The following WLS variants were observed in gnomAD, a reference collection of about 807,000 sequenced individuals.
The protein encoded by WLS is Wnt ligand secretion mediator.
In WLS, 23 loss-of-function variants were observed where a neutral mutation model predicts 62.8. The ratio of observed to expected loss-of-function variants is 0.37; its 90% CI spans 0.26 to 0.52. The LOEUF (loss-of-function observed/expected upper bound fraction) is 0.52, where lower values mean the gene tolerates loss of function less well. Among genes scored for constraint, WLS ranks in the 20% least tolerant of loss-of-function variants. The probability of loss-of-function intolerance (pLI) is 0.92; values close to 1 mark genes in which losing one functional copy is unlikely to be tolerated. For missense variants in WLS, 615 were observed against 697.3 expected (o/e 0.88, Z 1.33); for synonymous variants, 246 against 244.1 (o/e 1.01, Z -0.07).
intron 2 of WLS, among the ~76,000 whole-genome samples, chr1:68,192,582 CAA>C (rs113023360): frequency 7.1e-6 from 1 of 141,824 alleles, no homozygotes; most frequent in Admixed American, 7.2e-5. Context: ...GTCACACACA[CAA>C]AAAAAAAAGA....
rs923093473 is a variant in WLS, at chr1:68,216,681, A to T, written c.106+15513T>A. ...TGGGGGAGATGCCAAAATTAATCCA[A>T]AAAGCAGACAGGCACACTTTACAGA... On this transcript the variant is annotated intron_variant, in intron 1 of 11. Coordinates refer to ENST00000262348, the MANE Select transcript of WLS (RefSeq NM_024911.7). Among the ~76,000 whole-genome samples the T allele has an allele frequency of 2.6e-5, 4 of 152,334 alleles. No homozygotes were observed. In the East Asian group the frequency reaches 5.8e-4, roughly 22 times the overall value.
intron 10 of WLS, among the ~76,000 whole-genome samples, chr1:68,140,165 C>T (rs1646666362): frequency 6.6e-6 from 1 of 152,178 alleles, no homozygotes; most frequent in Admixed American, 6.5e-5. Flanking sequence ...TTCCATTCAA[C>T]ACATGGGTAA....
chr1:68,104,472 G>A (rs1372539773), intron 11 of WLS, among the ~76,000 whole-genome samples: 1 of 151,542 alleles, frequency 6.6e-6, no homozygotes, highest in Admixed American at 6.6e-5. Context: ...GTGAAAACTT[G>A]GAGGGTATTT....
At chr1:68,110,830 T>C (rs1646219836) in intron 11 of WLS, among the ~76,000 whole-genome samples, 2 of 152,214 alleles carry the variant, frequency 1.3e-5, no homozygotes, top group African/African-American at 4.8e-5. Flanking sequence ...CTGAGAGCAT[T>C]AGTTATCCAT....
chr1:68,224,997 AG>A (rs1276275315), intron 1 of WLS, among the ~76,000 whole-genome samples: 2 of 152,182 alleles, frequency 1.3e-5, no homozygotes, highest in Non-Finnish European at 2.9e-5. Context: ...ACCTCAAAAA[AG>A]GTTCTTAAAT....
intron 2 of WLS, chr1:68,161,831 C>G: frequency 6.2e-7 from 1 of 1,605,020 alleles, no homozygotes; most frequent in Non-Finnish European, 8.5e-7. Flanking sequence ...GAAGGATGTG[C>G]CACTGTTGGG....
At chr1:68,131,755 G>T (rs1348661447) in intron 11 of WLS, among the ~76,000 whole-genome samples, 1 of 152,190 alleles carries the variant, frequency 6.6e-6, no homozygotes, top group Non-Finnish European at 1.5e-5. Context: ...TGTGTTTAGA[G>T]ATAGGGCCTT....
chr1:68,232,481 C>T lies in WLS; in HGVS notation c.-182G>A. On this transcript the variant is annotated 5_prime_UTR_variant, in exon 1 of 12. Coordinates refer to ENST00000262348, the MANE Select transcript of WLS (RefSeq NM_024911.7). ...AAGGCGCCCGCACGGATTCCCCCGG[C>T]GCAGCCGGCTCGGGTTCCCCCAATG... is the stretch of plus-strand genomic sequence containing the variant. 2.3e-6 allele frequency: 3 copies of T among 1,295,784 alleles called. No individual in the cohort carries two copies. The highest frequency in any genetic ancestry group is 1.5e-5 in the African/African-American group (1 of 65,600). 80.3% of individuals were successfully genotyped at this position (1,295,784 alleles called of 1,614,324 possible).
intron 11 of WLS, among the ~76,000 whole-genome samples, chr1:68,103,935 AT>A (rs1363657479): frequency 6.6e-6 from 1 of 151,934 alleles, no homozygotes; most frequent in Non-Finnish European, 1.5e-5. Context: ...GCAGGGGACA[AT>A]TTTCCTCCTT....
chr1:68,129,362 A>C (rs369744337), intron 11 of WLS, among the ~76,000 whole-genome samples: 2 of 152,196 alleles, frequency 1.3e-5, no homozygotes, highest in African/African-American at 4.8e-5. Flanking sequence ...AATTTGAATA[A>C]ATTGTTTAGC....
intron 1 of WLS, among the ~76,000 whole-genome samples, chr1:68,230,625 G>C (rs571660737): frequency 2.9e-4 from 44 of 151,480 alleles, no homozygotes; most frequent in South Asian, 1.3e-3. Context: ...TGAGGGTGAG[G>C]GTTCCAGAAA....
At chr1:68,171,559 A>C (rs550464383) in intron 2 of WLS, among the ~76,000 whole-genome samples, 2 of 152,384 alleles carry the variant, frequency 1.3e-5, no homozygotes, top group East Asian at 3.9e-4. Flanking sequence ...CAAACGTGAA[A>C]AAAAGCTCAT....
chr1:68,121,113 C>A (rs1458021837), downstream of WLS: 1 of 152,088 alleles, frequency 6.6e-6, no homozygotes, highest in Non-Finnish European at 1.5e-5. Context: ...AAATCCTGTA[C>A]CATTTTCCTA....
intron 1 of WLS, among the ~76,000 whole-genome samples, chr1:68,226,629 A>G (rs1412129991): frequency 6.6e-6 from 1 of 152,140 alleles, no homozygotes; most frequent in Non-Finnish European, 1.5e-5. Flanking sequence ...CTTTTGTTGT[A>G]AACTTAGATG....
intron 1 of WLS, among the ~76,000 whole-genome samples, chr1:68,206,119 C>A (rs1480975284): frequency 1.3e-5 from 2 of 152,114 alleles, no homozygotes; most frequent in African/African-American, 4.8e-5. Context: ...TCAAGGATGT[C>A]CCCAAATTTC....
At chr1:68,205,075 A>AT (rs1649226541) in intron 1 of WLS, among the ~76,000 whole-genome samples, 1 of 152,220 alleles carries the variant, frequency 6.6e-6, no homozygotes, top group African/African-American at 2.4e-5. Flanking sequence ...ACTAAGCATC[A>AT]TTTTTTAAAT....
At chr1:68,194,324 T>C in intron 1 of WLS, 97 bp from the exon 2 acceptor site, 1 of 1,448,704 alleles carries the variant, frequency 6.9e-7, no homozygotes, top group Non-Finnish European at 9.2e-7. Flanking sequence ...CTCCAGCTTT[T>C]GTATCGCCTT....
chr1:68,144,690 C>A, intron 9 of WLS, 38 bp from the exon 10 acceptor site: 1 of 1,505,016 alleles, frequency 6.6e-7, no homozygotes, highest in Non-Finnish European at 9.2e-7. Flanking sequence ...ACTCCATCAG[C>A]TACCAATCCT....
At chr1:68,215,131 T>C (rs940753297) in intron 1 of WLS, among the ~76,000 whole-genome samples, 3 of 152,020 alleles carry the variant, frequency 2.0e-5, no homozygotes, top group Non-Finnish European at 4.4e-5. Context: ...GGGAAAAAAA[T>C]GCTCCACAAA....
Sources: allele counts gnomAD v4.1 joint callset (sites outside exome capture counted in the v4.1 genomes callset), GRCh38; gene constraint gnomAD v4.1.1; transcripts MANE v1.5; gene names NCBI Gene and HGNC (gene_info 2026-07-23, HGNC 2026-07-21).